The following RPL41 variants were observed in gnomAD, a reference collection of about 807,000 sequenced individuals.
RPL41 encodes the protein small ribosomal subunit protein eS32.
A neutral mutation model predicts 7.3 loss-of-function variants in RPL41; 3 were observed. That is an observed-to-expected ratio of 0.41 (90% CI 0.19 to 1.06). RPL41 has a LOEUF of 1.06. Among genes scored for constraint, RPL41 ranks in the 50% least tolerant of loss-of-function variants. The pLI, the probability that RPL41 is intolerant of heterozygous loss-of-function variation, is 0.32. For synonymous variants in RPL41, 9 were observed against 7.4 expected, an observed-to-expected ratio of 1.21 and a Z score of -0.34; for missense variants, 13 against 30.4, an observed-to-expected ratio of 0.43 and a Z score of 1.35.
chr12:56,117,314 G>GT, intron 2 of RPL41, 103 bp downstream of exon 2: 1 of 1,467,730 alleles, frequency 6.8e-7, no homozygotes. Context: ...GGAGAAAAAC[G>GT]TTTGAGTGTT....
At chr12:56,117,283 G>A (rs1186958683) in intron 2 of RPL41, 72 bp downstream of exon 2, 1 of 1,554,356 alleles carries the variant, frequency 6.4e-7, no homozygotes, top group Non-Finnish European at 8.7e-7. Flanking sequence ...CATTTGGTTT[G>A]GAAATCTTAA....
At chr12:56,117,256 A>G (rs746592706) in intron 2 of RPL41, 45 bp downstream of exon 2, 2 of 1,580,660 alleles carry the variant, frequency 1.3e-6, no homozygotes, top group African/African-American at 1.4e-5. Context: ...AGTTCCTTGG[A>G]CAAAACTTAG....
At position 56,116,757 on chromosome 12, in the gene RPL41, TTC is replaced by T. The variant is rs1417763346; in HGVS notation, c.-25_-24del. On this transcript the variant is annotated 5_prime_UTR_variant, in exon 1 of 3. Transcript: ENST00000546591. The stretch of plus-strand genomic sequence containing the variant: ...CATCACAGCAAACTAACTGTAGCCT[TTC>T]TCTCTTTCCCTGTAGAAACCTCTGC... 1.9e-6 allele frequency: 3 copies of T among 1,613,870 alleles called. No homozygotes were observed. Among genetic ancestry groups the T allele is most frequent in the East Asian group, 4.5e-5 (2 of 44,890 alleles).
At position 56,116,645 on chromosome 12, in the gene RPL41, G is replaced by C; in HGVS notation, c.-143G>C. On this transcript the variant is annotated 5_prime_UTR_variant, in exon 1 of 3. Coordinates refer to ENST00000546591, the MANE Select transcript of RPL41 (RefSeq NM_001035267.2). Reference sequence around the variant, plus strand: ...GAACTTCGCCTTTCTCTCGGCCTTAGCGCCATTTTTTTGGGTGAGTGTTTT... The same window carrying C: ...GAACTTCGCCTTTCTCTCGGCCTTACCGCCATTTTTTTGGGTGAGTGTTTT... 1 of 1,013,564 alleles carries C rather than the reference G, an allele frequency of 9.9e-7. No individual in the cohort carries two copies. Among genetic ancestry groups the C allele is most frequent in the South Asian group, 1.3e-5 (1 of 76,534 alleles). 62.8% of individuals were successfully genotyped at this position (1,013,564 alleles called of 1,614,324 possible).
chr12:56,116,989 A>G, intron 1 of RPL41, 190 bp downstream of exon 1: 1 of 1,082,210 alleles, frequency 9.2e-7, no homozygotes, highest in Non-Finnish European at 1.4e-6. Flanking sequence ...GGCTTAGAAA[A>G]GGGTGGAATT....
Position 56,116,680 on chromosome 12 carries a change from G to C in RPL41, c.-108G>C. 2.2e-6 allele frequency: 3 copies of C among 1,364,930 alleles called. No individual in the cohort carries two copies. Among genetic ancestry groups the C allele is most frequent in the Admixed American group, 1.7e-5 (1 of 57,804 alleles). The allele number at this position is 1,364,930 out of a possible 1,614,324, so 84.6% of individuals were successfully genotyped here. A position where few individuals can be genotyped will look rare whatever the true frequency, so the allele number is the denominator to read the frequency against. On this transcript the variant is annotated 5_prime_UTR_variant, in exon 1 of 3. Transcript: ENST00000546591. ...TTTGGGTGAGTGTTTTTTGGTTCCTGCGTTGGGATTCCGTGTACAATCCAT... is the reference window on the plus strand; with the variant it reads ...TTTGGGTGAGTGTTTTTTGGTTCCTCCGTTGGGATTCCGTGTACAATCCAT...
intron 1 of RPL41, 103 bp downstream of exon 1, chr12:56,116,902 G>A: frequency 6.8e-7 from 1 of 1,466,112 alleles, no homozygotes; most frequent in Non-Finnish European, 9.6e-7. Flanking sequence ...GGGTTTCAAG[G>A]GTGCCCAAGA....
At position 56,116,676 on chromosome 12, in the gene RPL41, T is replaced by G. The variant is rs934783954; in HGVS notation, c.-112T>G. ...TTTTTTTGGGTGAGTGTTTTTTGGTTCCTGCGTTGGGATTCCGTGTACAAT... is the reference window on the plus strand; with the variant it reads ...TTTTTTTGGGTGAGTGTTTTTTGGTGCCTGCGTTGGGATTCCGTGTACAAT... On this transcript the variant is annotated 5_prime_UTR_variant, in exon 1 of 3. Transcript: ENST00000546591. 9 of 1,340,634 alleles carry G rather than the reference T, an allele frequency of 6.7e-6. No homozygotes were observed. In the Admixed American group the frequency reaches 1.4e-4, roughly 20 times the overall value. The allele number at this position is 1,340,634 out of a possible 1,614,324, so 83.0% of individuals were successfully genotyped here.
At chr12:56,117,362 A>G in intron 2 of RPL41, 120 bp from the exon 3 acceptor site, 1 of 1,411,088 alleles carries the variant, frequency 7.1e-7, no homozygotes, top group Non-Finnish European at 9.8e-7. Context: ...ACAGAGAACG[A>G]TAGAACCGTA....
chr12:56,117,241 A>AGG lies in RPL41; in HGVS notation c.35+32_35+33dup, dbSNP rs555352731. The stretch of plus-strand genomic sequence containing the variant: ...GTTGAGACTTTGCCAGCCCAGGAGG[A>AGG]GGGAAGTTCCTTGGACAAAACTTAG... On this transcript the variant is annotated intron_variant, in intron 2 of 2. Transcript: ENST00000546591. The AGG allele has an allele frequency of 1.5e-5, 23 of 1,585,126 alleles. No individual in the cohort carries two copies. In the South Asian group the frequency reaches 2.7e-4, roughly 18 times the overall value.
rs1869673353 is a variant in RPL41 at position 56,117,900 on chromosome 12, A to ACTAC, written c.*379_*382dup. 10 of 351,704 alleles carry ACTAC rather than the reference A, an allele frequency of 2.8e-5. No homozygotes were observed. The highest frequency in any genetic ancestry group is 1.8e-4 in the South Asian group (8 of 45,334). The allele number at this position is 351,704 out of a possible 1,614,324, so 21.8% of individuals were successfully genotyped here. The stretch of plus-strand genomic sequence containing the variant: ...TTCTGTCATTAGAGTTTGCCCTGTC[A>ACTAC]CTACCTGTGCTATGGAGGGTATCAA... On this transcript the variant is annotated 3_prime_UTR_variant, in exon 3 of 3. Transcript: ENST00000546591.
At chr12:56,117,081 T>G (rs1869631230) in intron 1 of RPL41, 108 bp from the exon 2 acceptor site, 6 of 1,423,702 alleles carry the variant, frequency 4.2e-6, no homozygotes, top group Non-Finnish European at 5.7e-6. Context: ...TAAGAATCTG[T>G]CCGGTTCTAA....
chr12:56,116,822 C>G (rs749310120), intron 1 of RPL41, 23 bp downstream of exon 1: 1 of 1,613,790 alleles, frequency 6.2e-7, no homozygotes, highest in East Asian at 2.2e-5. Flanking sequence ...TGGTAGTAAG[C>G]TTGGGAGGTA....
chr12:56,117,585 G>T lies in RPL41; in HGVS notation c.*61G>T, dbSNP rs1869657967. The T allele has an allele frequency of 7.9e-7, 1 of 1,271,720 alleles. No individual in the cohort carries two copies. Among genetic ancestry groups the T allele is most frequent in the South Asian group, 1.3e-5 (1 of 77,960 alleles). 78.8% of individuals were successfully genotyped at this position (1,271,720 alleles called of 1,614,324 possible). On this transcript the variant is annotated 3_prime_UTR_variant, in exon 3 of 3. Transcript: ENST00000546591. ...CAGAAACATGGAATGCCAGACGCTG[G>T]GGATGCTGGTACAAGTTGTGGGACT... is the stretch of plus-strand genomic sequence containing the variant.
rs994933401 is a variant in RPL41, at chr12:56,116,709, C to T, written c.-79C>T. 2.6e-6 allele frequency: 4 copies of T among 1,526,390 alleles called. No homozygotes were observed. Among genetic ancestry groups the T allele is most frequent in the African/African-American group, 1.4e-5 (1 of 73,092 alleles). 94.6% of individuals were successfully genotyped at this position (1,526,390 alleles called of 1,614,324 possible). A position where few individuals can be genotyped will look rare whatever the true frequency, so the allele number is the denominator to read the frequency against. ...TGGGATTCCGTGTACAATCCATAGA[C>T]ATCTGACCTCGGCACTTAGCATCAT... On this transcript the variant is annotated 5_prime_UTR_variant, in exon 1 of 3. Transcript: ENST00000546591.
chr12:56,117,217 T>A lies in RPL41; in HGVS notation c.35+6T>A. On this transcript the variant is annotated splice_donor_region_variant and intron_variant, in intron 2 of 2. Coordinates refer to ENST00000546591, the MANE Select transcript of RPL41 (RefSeq NM_001035267.2). ...AGGAAGAAGCGAATGCGCAGGTACG[T>A]TGAGACTTTGCCAGCCCAGGAGGAG... 1 of 1,602,324 alleles carries A rather than the reference T, an allele frequency of 6.2e-7. No homozygotes were observed. The highest frequency in any genetic ancestry group is 8.5e-7 in the Non-Finnish European group (1 of 1,176,908).
In RPL41 at chr12:56,116,757, TTCTC is replaced by T. The variant is rs1417763346; in HGVS notation, c.-27_-24del. 6.2e-7 allele frequency: 1 copy of T among 1,613,870 alleles called. No individual in the cohort carries two copies. Among genetic ancestry groups the T allele is most frequent in the African/African-American group, 1.3e-5 (1 of 75,058 alleles). ...CATCACAGCAAACTAACTGTAGCCT[TTCTC>T]TCTTTCCCTGTAGAAACCTCTGCGC... On this transcript the variant is annotated 5_prime_UTR_variant, in exon 1 of 3. Transcript: ENST00000546591.
chr12:56,116,851 C>T (rs557073800), intron 1 of RPL41, 52 bp downstream of exon 1: 8 of 1,610,276 alleles, frequency 5.0e-6, no homozygotes, highest in Non-Finnish European at 6.8e-6. Flanking sequence ...CGAGTAGTAG[C>T]GAGGAGACGA....
In RPL41 at chr12:56,116,647, G is replaced by A. The variant is rs1362465603; in HGVS notation, c.-141G>A. The A allele has an allele frequency of 2.9e-6, 3 of 1,031,446 alleles. No homozygotes were observed. Among genetic ancestry groups the A allele is most frequent in the Non-Finnish European group, 4.6e-6 (3 of 656,880 alleles). 63.9% of individuals were successfully genotyped at this position (1,031,446 alleles called of 1,614,324 possible). ...ACTTCGCCTTTCTCTCGGCCTTAGC[G>A]CCATTTTTTTGGGTGAGTGTTTTTT... On this transcript the variant is annotated 5_prime_UTR_variant, in exon 1 of 3. Coordinates refer to ENST00000546591, the MANE Select transcript of RPL41 (RefSeq NM_001035267.2).
Sources: allele counts gnomAD v4.1 joint callset, GRCh38; gene constraint gnomAD v4.1.1; transcripts MANE v1.5; gene names NCBI Gene and HGNC (gene_info 2026-07-23, HGNC 2026-07-21).